Variants in ARX observed in about 807,000 individuals in gnomAD.
The protein encoded by ARX is aristaless related homeobox.
ARX carries 1 observed loss-of-function variant against 23.1 expected under a neutral mutation model. The observed-to-expected ratio is 0.04, with a 90% CI of 0.02 to 0.21. The LOEUF is 0.21. Ranked by LOEUF, ARX falls within the 10% of genes least tolerant of loss-of-function variation. ARX has a pLI of 1.00. For missense variants in ARX, 380 were observed against 527.5 expected, an observed-to-expected ratio of 0.72 and a Z score of 2.74; for synonymous variants, 301 against 270.1, an observed-to-expected ratio of 1.11 and a Z score of -1.12.
Position 25,013,779 on chromosome X carries a change from G to A in ARX, c.216C>T (p.Ser72=), listed in dbSNP as rs587783195. The A allele has an allele frequency of 2.2e-6, 2 of 927,460 alleles. No homozygotes were observed. Among genetic ancestry groups the A allele is most frequent in the African/African-American group, 2.1e-5 (1 of 48,630 alleles). The allele number at this position is 927,460 out of a possible 1,213,427, so 76.4% of individuals were successfully genotyped here. A position where few individuals can be genotyped will look rare whatever the true frequency, so the allele number is the denominator to read the frequency against. ...KAVQGSPKSS[S]APFEAELHLP... ...GGTGCAGCTCGGCCTCGAACGGGGC[G>A]CTGCTGCTCTTAGGGGAGCCTGCGG... Residue 72 remains serine, a synonymous_variant, in exon 2 of 5, where the codon AGC becomes AGT. Coordinates refer to ENST00000379044, the MANE Select transcript of ARX (RefSeq NM_139058.3).
chrX:25,015,454 G>T, intron 1 of ARX, 88 bp downstream of exon 1: 1 of 1,088,524 alleles, frequency 9.2e-7, no homozygotes, highest in South Asian at 1.9e-5. Flanking sequence ...TCTCCAAATT[G>T]ACAATTCCAG....
chrX:25,006,990 T>C, intron 4 of ARX, 121 bp downstream of exon 4: 1 of 880,347 alleles, frequency 1.1e-6, no homozygotes, highest in Non-Finnish European at 1.5e-6. Flanking sequence ...CTACAGTCTC[T>C]GAGGTTGGGT....
chrX:25,014,193 C>G (rs750896169), intron 1 of ARX, among the ~76,000 whole-genome samples: 168 of 109,369 alleles, frequency 1.5e-3, no homozygotes, highest in Non-Finnish European at 2.5e-3. Flanking sequence ...CTCCTTCTCT[C>G]CCCCTTTCTT....
intron 2 of ARX, among the ~76,000 whole-genome samples, chrX:25,010,980 C>G (rs1340308904): frequency 8.9e-6 from 1 of 112,005 alleles, no homozygotes; most frequent in Non-Finnish European, 1.9e-5. Context: ...ACTACAAACC[C>G]TGCCCATCTC....
At position 25,004,927 on chromosome X, in the gene ARX, C is replaced by T; in HGVS notation, c.1449-17G>A. ...GAAAAGAGCCTGCAGGGAGAGCAAA[C>T]AGCGCGGTCATGGCCTCGGGAGCTG... On this transcript the variant is annotated splice_polypyrimidine_tract_variant and intron_variant, in intron 4 of 4. Transcript: ENST00000379044. 9.0e-7 allele frequency: 1 copy of T among 1,113,271 alleles called. No individual in the cohort carries two copies. The highest frequency in any genetic ancestry group is 2.3e-5 in the South Asian group (1 of 42,958). The allele number at this position is 1,113,271 out of a possible 1,213,427, so 91.7% of individuals were successfully genotyped here.
chrX:25,007,436 A>T lies in ARX; in HGVS notation c.1123T>A (p.Trp375Arg). The change falls in exon 4 of 5, where the codon TGG (tryptophan) becomes AGG (arginine). Residue 375 changes from tryptophan (W) to arginine (R), a missense_variant. By Grantham distance (101) the Trp-to-Arg change is moderately radical. This residue lies in a region of ARX where 24 missense variants were observed against 87.7 expected (regional missense o/e 0.27). Coordinates refer to ENST00000379044, the MANE Select transcript of ARX (RefSeq NM_139058.3). ...LDLTEARVQVWFQNRRAKWRK... is the reference protein window; with the variant it reads ...LDLTEARVQVRFQNRRAKWRK... ...CACTTGGCCCGACGGTTCTGGAACC[A>T]GACCTGCAAGGCAGAGAGAGCCCAG... is the stretch of plus-strand genomic sequence containing the variant. 1 of 1,160,698 alleles carries T rather than the reference A, an allele frequency of 8.6e-7. No homozygotes were observed. The highest frequency in any genetic ancestry group is 1.1e-6 in the Non-Finnish European group (1 of 875,197).
intron 4 of ARX, among the ~76,000 whole-genome samples, chrX:25,005,292 C>G (rs1300876683): frequency 9.3e-6 from 1 of 107,787 alleles, no homozygotes; most frequent in Non-Finnish European, 1.9e-5. Context: ...GGAGAGAATG[C>G]GGAAGGAGAA....
At chrX:25,006,753 TA>T (rs1282956208) in intron 4 of ARX, 1 of 142,625 alleles carries the variant, frequency 7.0e-6, no homozygotes, top group East Asian at 1.7e-4. Context: ...TTGCAAAACT[TA>T]AAAAGTCGTC....
At chrX:25,006,406 T>C (rs1396438899) in intron 4 of ARX, 1 of 113,069 alleles carries the variant, frequency 8.8e-6, no homozygotes, top group African/African-American at 3.2e-5. Flanking sequence ...CTGCATCCAG[T>C]TTTATTTTCA....
Position 25,004,552 on chromosome X carries a change from C to T in ARX, c.*118G>A. On this transcript the variant is annotated 3_prime_UTR_variant, in exon 5 of 5. Transcript: ENST00000379044. Reference sequence around the variant, plus strand: ...ATCCAGACTGCTGTGAAGGCGGCTGCGCTCTCTCAGTGCCGTCTCGGGAGT... The same window carrying T: ...ATCCAGACTGCTGTGAAGGCGGCTGTGCTCTCTCAGTGCCGTCTCGGGAGT... 1 of 1,112,250 alleles carries T rather than the reference C, an allele frequency of 9.0e-7. No individual in the cohort carries two copies. 91.7% of individuals were successfully genotyped at this position (1,112,250 alleles called of 1,213,427 possible).
At chrX:25,015,049 G>A (rs1434513569) in intron 1 of ARX, among the ~76,000 whole-genome samples, 1 of 112,046 alleles carries the variant, frequency 8.9e-6, no homozygotes, top group Non-Finnish European at 1.9e-5. Context: ...TGCAAAGCTT[G>A]GGTTTAAAAG....
Position 25,007,190 on chromosome X carries a change from C to T in ARX, c.1369G>A (p.Gly457Arg). 2 of 1,186,034 alleles carry T rather than the reference C, an allele frequency of 1.7e-6. No homozygotes were observed. The highest frequency in any genetic ancestry group is 2.3e-6 in the Non-Finnish European group (2 of 883,835). The change falls in exon 4 of 5, where the codon GGG becomes AGG. Residue 457 changes from glycine (G) to arginine (R), a missense_variant. Gly to Arg is a moderately radical substitution (Grantham distance 125). Around this residue, in one of 3 missense-constraint regions of ARX, gnomAD observed 121 missense variants for 169.7 expected, o/e 0.71. Coordinates refer to ENST00000379044, the MANE Select transcript of ARX (RefSeq NM_139058.3). The part of the protein sequence containing the change: ...PPGSASLPPS[G>R]APLGLSTFLG... ...AAAGTGCTCAGGCCCAGCGGCGCCC[C>T]GCTGGGCGGCAGGCTGGCCGAGCCC...
intron 2 of ARX, 69 bp downstream of exon 2, chrX:25,012,853 C>T: frequency 8.6e-7 from 1 of 1,167,355 alleles, no homozygotes; most frequent in South Asian, 1.9e-5. Flanking sequence ...CCCCTGCCAG[C>T]CCGCTGTCCC....
chrX:25,014,224 C>T (rs1414702652), intron 1 of ARX, among the ~76,000 whole-genome samples: 1 of 110,118 alleles, frequency 9.1e-6, no homozygotes, highest in Non-Finnish European at 1.9e-5. Flanking sequence ...CAGGCTTTCT[C>T]TCCCCTCTCT....
chrX:25,008,534 G>A (rs2048688615), intron 3 of ARX, among the ~76,000 whole-genome samples: 2 of 111,535 alleles, frequency 1.8e-5, no homozygotes, highest in African/African-American at 6.5e-5. Flanking sequence ...TAAACCCCAG[G>A]AGCATGAAAT....
At chrX:25,010,890 G>T (rs2048699440) in intron 2 of ARX, among the ~76,000 whole-genome samples, 1 of 109,812 alleles carries the variant, frequency 9.1e-6, no homozygotes. Flanking sequence ...CCCTCTGCAG[G>T]TATGTTAAGC....
In ARX at chrX:25,015,835, C is replaced by G; in HGVS notation, c.-98G>C. ...GTGTGTTGGGGGTGGGGTTAGATAG[C>G]GGGTTATAACGGATATTATTGCGAT... On this transcript the variant is annotated 5_prime_UTR_variant, in exon 1 of 5. Transcript: ENST00000379044. 1.1e-6 allele frequency: 1 copy of G among 875,225 alleles called. No homozygotes were observed. The highest frequency in any genetic ancestry group is 1.6e-6 in the Non-Finnish European group (1 of 610,156). 72.1% of individuals were successfully genotyped at this position (875,225 alleles called of 1,213,427 possible). A position where few individuals can be genotyped will look rare whatever the true frequency, so the allele number is the denominator to read the frequency against.
Position 25,012,908 on chromosome X carries a change from C to T in ARX, c.1073+14G>A, listed in dbSNP as rs758664610. Reference sequence around the variant, plus strand: ...CTCTCTGCCGCTGCGACCGCGACCACCCTACGCGCATACCTGGTGAAGACG... The same window carrying T: ...CTCTCTGCCGCTGCGACCGCGACCATCCTACGCGCATACCTGGTGAAGACG... On this transcript the variant is annotated intron_variant, in intron 2 of 4. Transcript: ENST00000379044. The T allele has an allele frequency of 1.7e-6, 2 of 1,202,775 alleles. No homozygotes were observed. Among genetic ancestry groups the T allele is most frequent in the Non-Finnish European group, 2.2e-6 (2 of 891,744 alleles).
intron 1 of ARX, among the ~76,000 whole-genome samples, chrX:25,014,189 C>A (rs1181146135): frequency 9.2e-6 from 1 of 108,827 alleles, no homozygotes; most frequent in Non-Finnish European, 1.9e-5. Context: ...CTTTCTCCTT[C>A]TCTCCCCCTT....
Sources: gnomAD v4.1 joint callset for allele counts (sites outside exome capture counted in the v4.1 genomes callset) on GRCh38, gnomAD v4.1.1 for gene constraint, gnomAD v4.1.1 regional missense constraint, MANE v1.5 for transcripts, NCBI Gene and HGNC (gene_info 2026-07-23, HGNC 2026-07-21) for gene names.